The following ADAMTS2 variants were observed in gnomAD, a reference collection of about 807,000 sequenced individuals.
ADAMTS2 encodes the protein ADAM metallopeptidase with thrombospondin type 1 motif 2, also known as A disintegrin and metalloproteinase with thrombospondin motifs 2.
ADAMTS2 carries 50 observed loss-of-function variants against 123.0 expected under a neutral mutation model. The observed-to-expected ratio is 0.41, with a 90% CI of 0.32 to 0.51. ADAMTS2 has a LOEUF of 0.51. Among genes scored for constraint, ADAMTS2 ranks in the 20% least tolerant of loss-of-function variants. The pLI is 0.35. For missense variants in ADAMTS2, 1,494 were observed against 1,705.2 expected (o/e 0.88, Z 2.18); for synonymous variants, 678 against 695.4 (o/e 0.98, Z 0.39).
chr5:179,331,855 T>C (rs1196174526), intron 2 of ADAMTS2, among the ~76,000 whole-genome samples: 1 of 152,160 alleles, frequency 6.6e-6, no homozygotes, highest in East Asian at 1.9e-4. Flanking sequence ...CACCAACCAG[T>C]TCTCCAACCT....
chr5:179,183,055 T>C (rs1764083372), intron 4 of ADAMTS2, among the ~76,000 whole-genome samples: 1 of 152,198 alleles, frequency 6.6e-6, no homozygotes, highest in South Asian at 2.1e-4. Context: ...ATGGTGCTTG[T>C]GCAAACAATG....
chr5:179,267,978 C>A (rs1483399771), intron 3 of ADAMTS2, among the ~76,000 whole-genome samples: 1 of 152,252 alleles, frequency 6.6e-6, no homozygotes, highest in Non-Finnish European at 1.5e-5. Flanking sequence ...CCCTGCCAAG[C>A]CAGCTGTTGC....
chr5:179,207,001 C>T (rs972307131), intron 4 of ADAMTS2, among the ~76,000 whole-genome samples: 8 of 152,154 alleles, frequency 5.3e-5, no homozygotes, highest in African/African-American at 1.7e-4. Flanking sequence ...GGTGTCTGGC[C>T]CTCGCTCTAA....
At chr5:179,251,242 G>T (rs1003934057) in intron 3 of ADAMTS2, among the ~76,000 whole-genome samples, 7 of 152,092 alleles carry the variant, frequency 4.6e-5, no homozygotes, top group Non-Finnish European at 1.0e-4. Context: ...ACATCCACAC[G>T]GTACTGGAAG....
chr5:179,189,618 A>T lies in ADAMTS2; in HGVS notation c.892-8463T>A, dbSNP rs1764257751. On this transcript the variant is annotated intron_variant, in intron 4 of 21. Transcript: ENST00000251582. The surrounding 1 kb of genome is among the most constrained non-coding windows in gnomAD (Gnocchi z 4.2). The stretch of plus-strand genomic sequence containing the variant: ...ATGATCTGCCCGCCTCGGCCTCCCA[A>T]AGTGCTGGGATTACAGGCGTGAGCC... Among the ~76,000 whole-genome samples, 1 of 147,328 alleles carries T rather than the reference A, an allele frequency of 6.8e-6. No individual in the cohort carries two copies. The highest frequency in any genetic ancestry group is 1.5e-5 in the Non-Finnish European group (1 of 67,258).
chr5:179,174,628 A>G (rs1561789961), intron 5 of ADAMTS2, among the ~76,000 whole-genome samples: 1 of 152,242 alleles, frequency 6.6e-6, no homozygotes, highest in African/African-American at 2.4e-5. Context: ...GGTTATTTGT[A>G]AGAGGGGTAT....
chr5:179,255,096 T>C (rs755446889), intron 3 of ADAMTS2, among the ~76,000 whole-genome samples: 15 of 151,992 alleles, frequency 9.9e-5, no homozygotes, highest in Non-Finnish European at 2.2e-4. Flanking sequence ...AGTAAGTAGA[T>C]GAATGGAGAT....
chr5:179,271,728 T>C (rs1017449911), intron 3 of ADAMTS2, among the ~76,000 whole-genome samples: 1 of 152,330 alleles, frequency 6.6e-6, no homozygotes, highest in East Asian at 1.9e-4. Flanking sequence ...CCAGAGTACA[T>C]TGGGCTTCCT....
intron 13 of ADAMTS2, among the ~76,000 whole-genome samples, chr5:179,135,344 G>A (rs1763047681): frequency 6.6e-6 from 1 of 152,248 alleles, no homozygotes; most frequent in African/African-American, 2.4e-5. Context: ...GTTTTCGGGG[G>A]AGCCTGGCAG....
At chr5:179,199,329 C>T (rs968181606) in intron 4 of ADAMTS2, among the ~76,000 whole-genome samples, 2 of 152,180 alleles carry the variant, frequency 1.3e-5, no homozygotes, top group Admixed American at 6.5e-5. Flanking sequence ...ATGTATTCCC[C>T]ACGGCATCTC....
At chr5:179,243,839 A>G (rs1765721588) in intron 3 of ADAMTS2, among the ~76,000 whole-genome samples, 1 of 152,242 alleles carries the variant, frequency 6.6e-6, no homozygotes, top group Non-Finnish European at 1.5e-5. Flanking sequence ...ACTATCAATA[A>G]AGAGAAATTA....
At chr5:179,186,167 G>T (rs895868598) in intron 4 of ADAMTS2, among the ~76,000 whole-genome samples, 1 of 152,106 alleles carries the variant, frequency 6.6e-6, no homozygotes, top group African/African-American at 2.4e-5. Context: ...ATCCTGCTCC[G>T]GAGCCCTCAA....
chr5:179,125,232 T>C (rs762889151), intron 18 of ADAMTS2, 52 bp from the exon 19 acceptor site: 1 of 1,570,438 alleles, frequency 6.4e-7, no homozygotes, highest in Non-Finnish European at 8.7e-7. Flanking sequence ...CTGGAGAACC[T>C]GCCTGGCTGA....
chr5:179,332,608 C>G lies in ADAMTS2; in HGVS notation c.534+11159G>C, dbSNP rs1757511401. On this transcript the variant is annotated intron_variant, in intron 2 of 21. Coordinates refer to ENST00000251582, the MANE Select transcript of ADAMTS2 (RefSeq NM_014244.5). The surrounding 1 kb of genome is among the most constrained non-coding windows in gnomAD (Gnocchi z 4.2). ...ACAGTACCTCAGTCTGTGACCCAAC[C>G]TGCATTGCCCCAGAAGCCCAGACCT... Among the ~76,000 whole-genome samples the G allele has an allele frequency of 6.6e-6, 1 of 151,962 alleles. No homozygotes were observed. Among genetic ancestry groups the G allele is most frequent in the Non-Finnish European group, 1.5e-5 (1 of 67,988 alleles).
At chr5:179,297,577 A>G (rs538785670) in intron 2 of ADAMTS2, among the ~76,000 whole-genome samples, 12 of 151,412 alleles carry the variant, frequency 7.9e-5, no homozygotes, top group African/African-American at 2.7e-4. Flanking sequence ...GTCTCCCAGG[A>G]CCCTCCCTCA....
In ADAMTS2 at chr5:179,303,832, C is replaced by T. The variant is rs1445456144; in HGVS notation, c.535-30768G>A. Among the ~76,000 whole-genome samples, 2 of 152,146 alleles carry T rather than the reference C, an allele frequency of 1.3e-5. No homozygotes were observed. Among genetic ancestry groups the T allele is most frequent in the Non-Finnish European group, 2.9e-5 (2 of 68,032 alleles). On this transcript the variant is annotated intron_variant, in intron 2 of 21. Coordinates refer to ENST00000251582, the MANE Select transcript of ADAMTS2 (RefSeq NM_014244.5). The surrounding 1 kb of genome is among the most constrained non-coding windows in gnomAD (Gnocchi z 4.7). Reference sequence around the variant, plus strand: ...GTGTAGTTGCAGGAAGTGTGCAAGACAGCAGGGTCAATAAAGCCCCAGCTT... The same window carrying T: ...GTGTAGTTGCAGGAAGTGTGCAAGATAGCAGGGTCAATAAAGCCCCAGCTT...
At chr5:179,343,628 C>T in intron 2 of ADAMTS2, 139 bp downstream of exon 2, 1 of 1,209,524 alleles carries the variant, frequency 8.3e-7, no homozygotes, top group Non-Finnish European at 1.2e-6. Context: ...AGTTGGAGCA[C>T]GAGGCTCACT....
At chr5:179,330,814 G>A (rs753904751) in intron 2 of ADAMTS2, among the ~76,000 whole-genome samples, 9 of 151,884 alleles carry the variant, frequency 5.9e-5, no homozygotes, top group East Asian at 1.9e-4. Flanking sequence ...AGGCCAAGCC[G>A]CCCTATCTGA....
chr5:179,326,588 G>T (rs926315924), intron 2 of ADAMTS2, among the ~76,000 whole-genome samples: 1 of 151,126 alleles, frequency 6.6e-6, no homozygotes, highest in African/African-American at 2.4e-5. Flanking sequence ...TTCACACTGT[G>T]GTCCCTCCTA....
Sources: allele counts gnomAD v4.1 joint callset (sites outside exome capture counted in the v4.1 genomes callset), GRCh38; gene constraint gnomAD v4.1.1; non-coding constraint Gnocchi (gnomAD v3.1); transcripts MANE v1.5; gene names NCBI Gene and HGNC (gene_info 2026-07-23, HGNC 2026-07-21).